Variants in MTR observed in about 807,000 individuals in gnomAD.
The protein encoded by MTR is methionine synthase.
In MTR, 84 loss-of-function variants were observed where a neutral mutation model predicts 154.8. The observed-to-expected ratio is 0.54, with a 90% CI of 0.45 to 0.65. The LOEUF (loss-of-function observed/expected upper bound fraction) is 0.65, where lower values mean the gene tolerates loss of function less well. Ranked by LOEUF, MTR falls within the 30% of genes least tolerant of loss-of-function variation. The pLI is 0.00. For missense variants in MTR, 1,275 were observed against 1,570.2 expected (o/e 0.81, Z 3.18); for synonymous variants, 554 against 553.9 (o/e 1.00, Z 0.00).
At chr1:236,848,133 G>A (rs745481268) in intron 15 of MTR, among the ~76,000 whole-genome samples, 1 of 152,214 alleles carries the variant, frequency 6.6e-6, no homozygotes. Context: ...CATCCTTATG[G>A]AGGTTAGAGT....
Position 236,795,690 on chromosome 1 carries a change from G to C in MTR, c.-14G>C. ...CTCTGCCGCGCCCTCTGCGCAAGGA[G>C]GAGACTCGACAACATGTCACCCGCG... is the stretch of plus-strand genomic sequence containing the variant. On this transcript the variant is annotated 5_prime_UTR_variant, in exon 1 of 33. Coordinates refer to ENST00000366577, the MANE Select transcript of MTR (RefSeq NM_000254.3). 6.2e-7 allele frequency: 1 copy of C among 1,614,088 alleles called. No individual in the cohort carries two copies. The highest frequency in any genetic ancestry group is 8.5e-7 in the Non-Finnish European group (1 of 1,180,028).
intron 2 of MTR, among the ~76,000 whole-genome samples, chr1:236,805,558 C>CTTGCCCACCGTGGCTCACTG (rs1200829834): frequency 2.0e-5 from 3 of 152,146 alleles, no homozygotes; most frequent in Non-Finnish European, 2.9e-5. Flanking sequence ...GTGGCTCACT[C>CTTGCCCACCGTGGCTCACTG]TAGCCCACTG....
At chr1:236,870,636 C>A (rs961693116) in intron 22 of MTR, among the ~76,000 whole-genome samples, 1 of 152,132 alleles carries the variant, frequency 6.6e-6, no homozygotes, top group Non-Finnish European at 1.5e-5. Context: ...ACTTCAGTAT[C>A]ATCTGATGTA....
Position 236,800,499 on chromosome 1 carries a change from T to C in MTR, c.35-2929T>C, listed in dbSNP as rs550624495. 10 of 981,480 alleles carry C rather than the reference T, an allele frequency of 1.0e-5. No homozygotes were observed. The African/African-American group carries it at 1.4e-4, about 14-fold the overall frequency. 60.8% of individuals were successfully genotyped at this position (981,480 alleles called of 1,614,324 possible). On this transcript the variant is annotated intron_variant, in intron 1 of 32. Coordinates refer to ENST00000366577, the MANE Select transcript of MTR (RefSeq NM_000254.3). ...GTAGGTTAGAGTCTTTAGTTCTTAG[T>C]CTTCTCATTCCTCCTGTGAAATTAT...
intron 2 of MTR, among the ~76,000 whole-genome samples, chr1:236,804,142 T>C (rs1218598216): frequency 6.6e-6 from 1 of 152,244 alleles, no homozygotes; most frequent in Non-Finnish European, 1.5e-5. Flanking sequence ...TAGCTGTCTT[T>C]GTATCTACAT....
chr1:236,823,773 T>C (rs921209929), intron 8 of MTR, among the ~76,000 whole-genome samples: 1 of 150,236 alleles, frequency 6.7e-6, no homozygotes, highest in Non-Finnish European at 1.5e-5. Context: ...TCCTTTCTTT[T>C]AAATTTTGCT....
rs763793443 is a variant in MTR, at chr1:236,873,857, C to T, written c.2473+17C>T. 4.3e-6 allele frequency: 7 copies of T among 1,611,392 alleles called. No homozygotes were observed. Among genetic ancestry groups the T allele is most frequent in the Non-Finnish European group, 5.9e-6 (7 of 1,177,546 alleles). ...ACAAAGCAGGTACTGTGCAACTATACTTTGGGCATTTCTCTAAATGTCATA... is the reference window on the plus strand; with the variant it reads ...ACAAAGCAGGTACTGTGCAACTATATTTTGGGCATTTCTCTAAATGTCATA... On this transcript the variant is annotated intron_variant, in intron 23 of 32. Transcript: ENST00000366577.
At chr1:236,864,266 C>T (rs1292768287) in intron 22 of MTR, among the ~76,000 whole-genome samples, 1 of 152,158 alleles carries the variant, frequency 6.6e-6, no homozygotes, top group Non-Finnish European at 1.5e-5. Flanking sequence ...GACTTCTTTC[C>T]AATGTGCCAT....
chr1:236,865,348 C>G (rs990613348), intron 22 of MTR, among the ~76,000 whole-genome samples: 2 of 152,228 alleles, frequency 1.3e-5, no homozygotes, highest in Non-Finnish European at 2.9e-5. Context: ...CACATAGACT[C>G]TTCCATTGGT....
chr1:236,824,442 T>A (rs935616485), intron 9 of MTR, among the ~76,000 whole-genome samples: 1 of 152,194 alleles, frequency 6.6e-6, no homozygotes, highest in African/African-American at 2.4e-5. Flanking sequence ...GAAATGAGCT[T>A]AGTCACATAA....
rs568734591 is a variant in MTR at position 236,815,633 on chromosome 1, T to C, written c.639T>C (p.Phe213=). Residue 213 remains phenylalanine, a synonymous_variant, in exon 7 of 33, where the codon TTT becomes TTC. Transcript: ENST00000366577. ...CCTTGTTTGCACTCCAAAATCTTTT[T>C]GAGGAGAAATATGCTCCCCGGCCTA... ...KAALFALQNL[F]EEKYAPRPIF... is the part of the protein sequence containing the mutation. 5.9e-5 allele frequency: 95 copies of C among 1,614,020 alleles called. No homozygotes were observed. In the South Asian group the frequency reaches 9.9e-4, roughly 17 times the overall value.
In MTR at chr1:236,862,301, A is replaced by G. The variant is rs1245914776; in HGVS notation, c.2262A>G (p.Glu754=). The change falls in exon 21 of 33, where the codon GAA becomes GAG. Residue 754 remains glutamate, a synonymous_variant. Transcript: ENST00000366577. ...ACCTTATCCCTTTCATGGAAAAAGAAAGAGAAGAAACCAGAGTGCTTAACG... is the reference window on the plus strand; with the variant it reads ...ACCTTATCCCTTTCATGGAAAAAGAGAGAGAAGAAACCAGAGTGCTTAACG... ...VGHLIPFMEK[E]REETRVLNGT... is the part of the protein sequence containing the mutation. 1 of 1,613,928 alleles carries G rather than the reference A, an allele frequency of 6.2e-7. No homozygotes were observed. Among genetic ancestry groups the G allele is most frequent in the African/African-American group, 1.3e-5 (1 of 74,926 alleles).
intron 13 of MTR, among the ~76,000 whole-genome samples, chr1:236,835,316 G>A (rs1662843206): frequency 6.6e-6 from 1 of 152,014 alleles, no homozygotes; most frequent in Non-Finnish European, 1.5e-5. Context: ...CTTTATGGTA[G>A]GAAAACAGCT....
intron 22 of MTR, among the ~76,000 whole-genome samples, chr1:236,865,723 A>T (rs1572289997): frequency 6.6e-6 from 1 of 152,194 alleles, no homozygotes; most frequent in Non-Finnish European, 1.5e-5. Context: ...CCAAGAATCT[A>T]GTATTACCTA....
chr1:236,797,585 G>A (rs1375926483), intron 1 of MTR, among the ~76,000 whole-genome samples: 1 of 152,102 alleles, frequency 6.6e-6, no homozygotes, highest in Non-Finnish European at 1.5e-5. Context: ...ATTGGTATCA[G>A]CCTAATTCTT....
At chr1:236,858,249 G>A (rs1055442328) in intron 18 of MTR, among the ~76,000 whole-genome samples, 8 of 152,174 alleles carry the variant, frequency 5.3e-5, no homozygotes, top group African/African-American at 9.7e-5. Flanking sequence ...TGAAAAGCAC[G>A]TCTTACATGA....
Position 236,803,543 on chromosome 1 carries a change from C to T in MTR, c.150C>T (p.His50=). The T allele has an allele frequency of 6.2e-7, 1 of 1,614,174 alleles. No individual in the cohort carries two copies. Reference sequence around the variant, plus strand: ...AGCGGGAGAAGCTAAACGAAGAACACTTCCGAGGTCAGGAATTTAAAGATC... The same window carrying T: ...AGCGGGAGAAGCTAAACGAAGAACATTTCCGAGGTCAGGAATTTAAAGATC... The part of the protein sequence containing the change: ...MIQREKLNEE[H]FRGQEFKDHA... Residue 50 remains histidine, a synonymous_variant, in exon 2 of 33, where the codon CAC becomes CAT. Coordinates refer to ENST00000366577, the MANE Select transcript of MTR (RefSeq NM_000254.3).
chr1:236,885,975 C>T (rs921393079), intron 26 of MTR, among the ~76,000 whole-genome samples: 2 of 152,110 alleles, frequency 1.3e-5, no homozygotes, highest in Non-Finnish European at 2.9e-5. Context: ...CATGGAAGAC[C>T]AGTTAACAGC....
At chr1:236,802,457 G>A (rs764838750) in intron 1 of MTR, among the ~76,000 whole-genome samples, 2 of 151,996 alleles carry the variant, frequency 1.3e-5, no homozygotes, top group African/African-American at 2.4e-5. Context: ...TTGCTGAGGT[G>A]GAACTGTGGG....
Sources: gnomAD v4.1 joint callset for allele counts (sites outside exome capture counted in the v4.1 genomes callset) on GRCh38, gnomAD v4.1.1 for gene constraint, MANE v1.5 for transcripts, NCBI Gene and HGNC (gene_info 2026-07-23, HGNC 2026-07-21) for gene names.